ZZEF1: variants seen among roughly 807,000 people sequenced by gnomAD.
ZZEF1 encodes zinc finger ZZ-type and EF-hand domain-containing protein 1.
In ZZEF1, 157 loss-of-function variants were observed where a neutral mutation model predicts 342.8. The observed-to-expected ratio is 0.46, with a 90% CI of 0.40 to 0.52. ZZEF1 has a LOEUF of 0.52. ZZEF1 is among the 20% of genes least tolerant of loss of function. ZZEF1 has a pLI of 0.00. For synonymous variants in ZZEF1, 1,505 were observed against 1,429.1 expected (o/e 1.05, Z -1.20); for missense variants, 3,480 against 3,725.6 (o/e 0.93, Z 1.72).
At position 4,075,436 on chromosome 17, in the gene ZZEF1, T is replaced by C. The variant is rs2057592736; in HGVS notation, c.3235-7A>G. 6 of 1,612,862 alleles carry C rather than the reference T, an allele frequency of 3.7e-6. No individual in the cohort carries two copies. Among genetic ancestry groups the C allele is most frequent in the Non-Finnish European group, 5.1e-6 (6 of 1,179,330 alleles). On this transcript the variant is annotated splice_region_variant and splice_polypyrimidine_tract_variant and intron_variant, in intron 21 of 54. Coordinates refer to ENST00000381638, the MANE Select transcript of ZZEF1 (RefSeq NM_015113.4). ...GCCAGGTCTCAACATCCAGCTATGA[T>C]AACAAATGAGCCAGGGGAAAGAAAG...
chr17:4,075,263 C>G lies in ZZEF1; in HGVS notation c.3401G>C (p.Arg1134Thr), dbSNP rs905888044. 3 of 1,613,870 alleles carry G rather than the reference C, an allele frequency of 1.9e-6. No individual in the cohort carries two copies. The highest frequency in any genetic ancestry group is 2.5e-6 in the Non-Finnish European group (3 of 1,179,930). The change falls in exon 22 of 55, where the codon AGG becomes ACG. Residue 1134 changes from arginine (R) to threonine (T), a missense_variant and splice_region_variant. Arg to Thr is a moderately conservative substitution (Grantham distance 71). Coordinates refer to ENST00000381638, the MANE Select transcript of ZZEF1 (RefSeq NM_015113.4). ...EFDDRCETEK[R>T]YDYLEFTDAR... ...GGGTGAAAGAATATAGAAGTCTTAC[C>G]TTTTTTCAGTTTCACACCTGTCATC...
chr17:4,024,660 T>C (rs1274985197), intron 43 of ZZEF1, among the ~76,000 whole-genome samples: 3 of 152,224 alleles, frequency 2.0e-5, no homozygotes, highest in Non-Finnish European at 4.4e-5. Flanking sequence ...TCAATTTTTC[T>C]TCTCGTCTGA....
rs1164217031 is a variant in ZZEF1 at position 4,062,852 on chromosome 17, G to A, written c.4784C>T (p.Thr1595Ile). The stretch of plus-strand genomic sequence containing the variant: ...CCCAAGGGATTCTGCACAGTGCTGA[G>A]TTATCTTCAGGACTTCCAGGATGCT... Reference protein sequence around the residue: ...AQSILEVLKITQHCAESLGQP... With the variant: ...AQSILEVLKIIQHCAESLGQP... The change falls in exon 30 of 55, where the codon ACT (threonine) becomes ATT (isoleucine). Residue 1595 changes from threonine (T) to isoleucine (I), a missense_variant. This residue lies in a region of ZZEF1 where 1,528 missense variants were observed against 1,624.1 expected (regional missense o/e 0.94). Transcript: ENST00000381638. 2 of 1,613,576 alleles carry A rather than the reference G, an allele frequency of 1.2e-6. No individual in the cohort carries two copies. Among genetic ancestry groups the A allele is most frequent in the Non-Finnish European group, 8.5e-7 (1 of 1,179,804 alleles).
intron 11 of ZZEF1, among the ~76,000 whole-genome samples, chr17:4,093,486 A>G (rs904172131): frequency 9.2e-5 from 14 of 152,242 alleles, no homozygotes; most frequent in African/African-American, 3.4e-4. Context: ...AACCTTTGCC[A>G]GGAATGCTGC....
At position 4,142,536 on chromosome 17, in the gene ZZEF1, C is replaced by T. The variant is rs776879883; in HGVS notation, c.354+6G>A. The T allele has an allele frequency of 6.3e-7, 1 of 1,593,342 alleles. No homozygotes were observed. Among genetic ancestry groups the T allele is most frequent in the Admixed American group, 1.7e-5 (1 of 58,994 alleles). Reference sequence around the variant, plus strand: ...CCCATCCCCGCAGTCGCCTGCCGGCCCTGACCTCCTCGAACTGCTCGCTAG... The same window carrying T: ...CCCATCCCCGCAGTCGCCTGCCGGCTCTGACCTCCTCGAACTGCTCGCTAG... On this transcript the variant is annotated splice_donor_region_variant and intron_variant, in intron 1 of 54. Coordinates refer to ENST00000381638, the MANE Select transcript of ZZEF1 (RefSeq NM_015113.4).
chr17:4,008,775 T>C lies in ZZEF1; in HGVS notation c.8805+108A>G. ...GAACAAGCTCTGTGTAAGCTCCGGG[T>C]GGATTCTGTCCTACTCAGACGCAAT... On this transcript the variant is annotated intron_variant, in intron 54 of 54. Coordinates refer to ENST00000381638, the MANE Select transcript of ZZEF1 (RefSeq NM_015113.4). The surrounding 1 kb of genome is among the most constrained non-coding windows in gnomAD (Gnocchi z 4.2). The C allele has an allele frequency of 6.8e-7, 1 of 1,472,626 alleles. No individual in the cohort carries two copies. The highest frequency in any genetic ancestry group is 9.0e-7 in the Non-Finnish European group (1 of 1,108,542). The allele number at this position is 1,472,626 out of a possible 1,614,324, so 91.2% of individuals were successfully genotyped here.
At position 4,044,327 on chromosome 17, in the gene ZZEF1, C is replaced by G. The variant is rs773890568; in HGVS notation, c.6063G>C (p.Gln2021His). 1.9e-5 allele frequency: 30 copies of G among 1,613,934 alleles called. No individual in the cohort carries two copies. In the Admixed American group the frequency reaches 4.8e-4, roughly 26 times the overall value. The change falls in exon 38 of 55, where the codon CAG (glutamine) becomes CAC (histidine). Residue 2021 changes from glutamine to histidine, a missense_variant. Around this residue, in one of 5 missense-constraint regions of ZZEF1, gnomAD observed 1,269 missense variants for 1,342.4 expected, o/e 0.95. Transcript: ENST00000381638. ...ATACACCTTTATCTGCCTTATTTCT[C>G]TGCTTGAAATCTACAGGTCTGATTT... Reference protein sequence around the residue: ...HEEIRPVDFKQRNKADKGVSL... With the variant: ...HEEIRPVDFKHRNKADKGVSL...
At position 4,064,454 on chromosome 17, in the gene ZZEF1, T is replaced by G. The variant is rs1257744463; in HGVS notation, c.4625A>C (p.Glu1542Ala). Residue 1542 changes from glutamate to alanine, a missense_variant, in exon 29 of 55, where the codon GAG (glutamate) becomes GCG (alanine). Glu to Ala is a moderately radical substitution (Grantham distance 107, BLOSUM62 -1). Coordinates refer to ENST00000381638, the MANE Select transcript of ZZEF1 (RefSeq NM_015113.4). ...CACTGTGGGCACCAGTCTGGCCTCC[T>G]CCATGGATCGAAAGGAGAGCAGCCG... ...RLRLLSFRSM[E>A]EARLVPTVKE... 6.2e-7 allele frequency: 1 copy of G among 1,614,146 alleles called. No individual in the cohort carries two copies. The highest frequency in any genetic ancestry group is 2.2e-5 in the East Asian group (1 of 44,880).
chr17:4,054,136 C>A lies in ZZEF1; in HGVS notation c.5355G>T (p.Gly1785=). ...GATGCCAGGGGGCAATCTCATCACACCCATCACAAGAGATGTCCACATTTA... is the reference window on the plus strand; with the variant it reads ...GATGCCAGGGGGCAATCTCATCACAACCATCACAAGAGATGTCCACATTTA... ...DLLNVDISCD[G]CDEIAPWHRY... Residue 1785 remains glycine, a synonymous_variant, in exon 34 of 55, where the codon GGG becomes GGT. Coordinates refer to ENST00000381638, the MANE Select transcript of ZZEF1 (RefSeq NM_015113.4). 6.2e-7 allele frequency: 1 copy of A among 1,613,982 alleles called. No individual in the cohort carries two copies. Among genetic ancestry groups the A allele is most frequent in the East Asian group, 2.2e-5 (1 of 44,890 alleles).
chr17:4,086,334 ATTCCCACAGCGGCAATCCCTTTCTGGG>A lies in ZZEF1; in HGVS notation c.2512+125_2512+151del, dbSNP rs1354816388. On this transcript the variant is annotated intron_variant, in intron 15 of 54. Transcript: ENST00000381638. ...CACAGCGGCAATCCCTTTCTGGGGG[ATTCCCACAGCGGCAATCCCTTTCTGGG>A]GGATTCCCACAGCGGCAATCCCTTT... 8 of 516,790 alleles carry A rather than the reference ATTCCCACAGCGGCAATCCCTTTCTGGG, an allele frequency of 1.5e-5. No homozygotes were observed. In the South Asian group the frequency reaches 2.1e-4, roughly 13 times the overall value. The allele number at this position is 516,790 out of a possible 1,614,324, so 32.0% of individuals were successfully genotyped here.
intron 2 of ZZEF1, among the ~76,000 whole-genome samples, chr17:4,119,295 T>C (rs1017941409): frequency 1.3e-5 from 2 of 152,130 alleles, no homozygotes; most frequent in Non-Finnish European, 2.9e-5. Context: ...GAGAGTTGAA[T>C]GGGAACATGG....
At chr17:4,068,123 T>C (rs1405328754) in intron 26 of ZZEF1, among the ~76,000 whole-genome samples, 1 of 152,142 alleles carries the variant, frequency 6.6e-6, no homozygotes, top group Admixed American at 6.5e-5. Flanking sequence ...CACATATATA[T>C]ATACAAATAT....
At position 4,050,773 on chromosome 17, in the gene ZZEF1, G is replaced by GA. The variant is rs753831778; in HGVS notation, c.5863+7dup. 2 of 1,613,244 alleles carry GA rather than the reference G, an allele frequency of 1.2e-6. No individual in the cohort carries two copies. The highest frequency in any genetic ancestry group is 8.5e-7 in the Non-Finnish European group (1 of 1,180,000). ...GCTGGTTTTGGTTTCTGTGCATTGG[G>GA]AAGTCACCTTTTCCCTGATGAGCCT... On this transcript the variant is annotated splice_region_variant and intron_variant, in intron 36 of 54. Transcript: ENST00000381638.
chr17:4,123,895 T>A lies in ZZEF1; in HGVS notation c.499+12A>T. 1 of 1,611,232 alleles carries A rather than the reference T, an allele frequency of 6.2e-7. No homozygotes were observed. Among genetic ancestry groups the A allele is most frequent in the Non-Finnish European group, 8.5e-7 (1 of 1,179,064 alleles). On this transcript the variant is annotated intron_variant, in intron 2 of 54. Coordinates refer to ENST00000381638, the MANE Select transcript of ZZEF1 (RefSeq NM_015113.4). ...CTTTGGTTCTAAGACAGCACCTAGA[T>A]GGAAGCCTCACCTGGAACCAGAGAG... is the stretch of plus-strand genomic sequence containing the variant.
At chr17:4,045,699 A>C (rs1329121416) in intron 37 of ZZEF1, among the ~76,000 whole-genome samples, 1 of 152,212 alleles carries the variant, frequency 6.6e-6, no homozygotes, top group Non-Finnish European at 1.5e-5. Context: ...GTGTACATAA[A>C]GCCAACCACA....
chr17:4,117,476 T>C (rs1182679268), intron 2 of ZZEF1, among the ~76,000 whole-genome samples: 2 of 151,802 alleles, frequency 1.3e-5, no homozygotes, highest in African/African-American at 2.4e-5. Flanking sequence ...TGAAACCCCA[T>C]CTCTACTAAA....
chr17:4,072,689 T>C lies in ZZEF1; in HGVS notation c.3753A>G (p.Lys1251=). Residue 1251 remains lysine, a synonymous_variant, in exon 25 of 55, where the codon AAA becomes AAG. Transcript: ENST00000381638. Reference sequence around the variant, plus strand: ...GACAAACCTGATGCCTGAAGACAGGTTTCCACAGTGGGGAGCTTAGGACTA... The same window carrying C: ...GACAAACCTGATGCCTGAAGACAGGCTTCCACAGTGGGGAGCTTAGGACTA... ...MALVLSSPLW[K]PVFRHQVCPE... is the part of the protein sequence containing the mutation. 1 of 1,614,056 alleles carries C rather than the reference T, an allele frequency of 6.2e-7. No individual in the cohort carries two copies. Among genetic ancestry groups the C allele is most frequent in the Non-Finnish European group, 8.5e-7 (1 of 1,179,942 alleles).
At chr17:4,124,735 G>A (rs1179112386) in intron 1 of ZZEF1, among the ~76,000 whole-genome samples, 1 of 151,854 alleles carries the variant, frequency 6.6e-6, no homozygotes, top group Non-Finnish European at 1.5e-5. Flanking sequence ...TGGGATTACA[G>A]GTGTGGGCCA....
At position 4,011,574 on chromosome 17, in the gene ZZEF1, C is replaced by T. The variant is rs80146128; in HGVS notation, c.8580-1817G>A. Among the ~76,000 whole-genome samples the T allele has an allele frequency of 4.2e-3, 641 of 151,546 alleles. 3 individuals are homozygous for T. Among genetic ancestry groups the T allele is most frequent in the Middle Eastern group, 0.02 (6 of 294 alleles). ...TTTTTTGTGTGTGTGTGTGTTTTTA[C>T]TCAGAGGAAGGCTGTGTTTTAATTC... is the stretch of plus-strand genomic sequence containing the variant. On this transcript the variant is annotated intron_variant, in intron 52 of 54. Coordinates refer to ENST00000381638, the MANE Select transcript of ZZEF1 (RefSeq NM_015113.4).
Sources: allele counts gnomAD v4.1 joint callset (sites outside exome capture counted in the v4.1 genomes callset), GRCh38; gene constraint gnomAD v4.1.1; regional missense constraint gnomAD v4.1.1; non-coding constraint Gnocchi (gnomAD v3.1); transcripts MANE v1.5; gene names NCBI Gene and HGNC (gene_info 2026-07-23, HGNC 2026-07-21).